CREB5: variants seen among roughly 807,000 people sequenced by gnomAD.
The protein encoded by CREB5 is cAMP responsive element binding protein 5, also known as cyclic AMP-responsive element-binding protein 5.
In CREB5, 19 loss-of-function variants were observed where a neutral mutation model predicts 57.1. The observed-to-expected ratio is 0.33, with a 90% CI of 0.23 to 0.49. CREB5 has a LOEUF of 0.49. Ranked by LOEUF, CREB5 falls within the 20% of genes least tolerant of loss-of-function variation. CREB5 has a pLI of 0.99. For missense variants in CREB5, 579 were observed against 671.6 expected (o/e 0.86, Z 1.52); for synonymous variants, 238 against 238.3 (o/e 1.00, Z 0.01).
At chr7:28,795,755 CTTT>C (rs367853221) in intron 7 of CREB5, among the ~76,000 whole-genome samples, 8 of 137,498 alleles carry the variant, frequency 5.8e-5, no homozygotes, top group Non-Finnish European at 6.3e-5. Context: ...GTTTTTCTTT[CTTT>C]TTTTTTTTTT....
chr7:28,389,752 C>T (rs1787178375), intron 1 of CREB5, among the ~76,000 whole-genome samples: 1 of 151,672 alleles, frequency 6.6e-6, no homozygotes, highest in African/African-American at 2.4e-5. Flanking sequence ...ATTAAGCTGT[C>T]TAATACTTTT....
At chr7:28,578,126 A>G (rs1281245588) in intron 5 of CREB5, among the ~76,000 whole-genome samples, 1 of 152,160 alleles carries the variant, frequency 6.6e-6, no homozygotes, top group Non-Finnish European at 1.5e-5. Flanking sequence ...AGCTCATATC[A>G]CTGGTTAGTG....
At chr7:28,413,092 A>ATGTGTGTGTGTG (rs10599936) in intron 1 of CREB5, among the ~76,000 whole-genome samples, 175 bp downstream of exon 1, 5,298 of 147,258 alleles carry the variant, frequency 0.036, 144 homozygotes, top group South Asian at 0.052. Context: ...ATGTGGAAGG[A>ATGTGTGTGTGTG]TGTGTGTGTG....
chr7:28,393,133 A>G (rs1228579480), intron 1 of CREB5, among the ~76,000 whole-genome samples: 3 of 152,108 alleles, frequency 2.0e-5, no homozygotes, highest in Non-Finnish European at 1.5e-5. Context: ...CTCCATGTTG[A>G]TCAGGCTGGT....
At chr7:28,662,926 C>CA (rs1799667221) in intron 5 of CREB5, among the ~76,000 whole-genome samples, 1 of 151,986 alleles carries the variant, frequency 6.6e-6, no homozygotes, top group South Asian at 2.1e-4. Flanking sequence ...GTGGGTGGAT[C>CA]ACGAGGTCAG....
At chr7:28,404,906 G>C (rs913862335) in intron 1 of CREB5, among the ~76,000 whole-genome samples, 1 of 152,156 alleles carries the variant, frequency 6.6e-6, no homozygotes, top group African/African-American at 2.4e-5. Context: ...CAGCAATGTG[G>C]GTTCTTTTCT....
intron 5 of CREB5, among the ~76,000 whole-genome samples, chr7:28,646,515 C>T (rs778099919): frequency 1.8e-4 from 28 of 152,294 alleles, no homozygotes; most frequent in Non-Finnish European, 3.7e-4. Context: ...TCTGCACTGA[C>T]TATGTTAACA....
At chr7:28,470,211 C>T (rs1162243119) in intron 1 of CREB5, among the ~76,000 whole-genome samples, 6 of 152,248 alleles carry the variant, frequency 3.9e-5, no homozygotes, top group South Asian at 2.1e-4. Context: ...CCCCATCTCC[C>T]CCTGACTTCT....
intron 4 of CREB5, among the ~76,000 whole-genome samples, chr7:28,569,227 T>C (rs1216957576): frequency 6.6e-6 from 1 of 151,828 alleles, no homozygotes; most frequent in Non-Finnish European, 1.5e-5. Context: ...TGTAGAGGTG[T>C]AATCCTGGCT....
At chr7:28,459,904 C>T (rs993676892) in intron 1 of CREB5, among the ~76,000 whole-genome samples, 15 of 152,278 alleles carry the variant, frequency 9.9e-5, no homozygotes, top group African/African-American at 3.6e-4. Context: ...TCATTATCCC[C>T]ATTTTATAGA....
At chr7:28,784,238 G>A (rs530299482) in intron 7 of CREB5, among the ~76,000 whole-genome samples, 10 of 152,350 alleles carry the variant, frequency 6.6e-5, no homozygotes, top group African/African-American at 2.4e-4. Context: ...TGCCTGCAGG[G>A]CCTGCGAGAG....
chr7:28,613,022 A>C (rs1263082517), intron 5 of CREB5, among the ~76,000 whole-genome samples: 5 of 152,182 alleles, frequency 3.3e-5, no homozygotes, highest in Non-Finnish European at 7.3e-5. Flanking sequence ...GGAGTTACCC[A>C]GGGGACTAGT....
At chr7:28,773,531 TCATATG>T in intron 7 of CREB5, among the ~76,000 whole-genome samples, 1 of 147,910 alleles carries the variant, frequency 6.8e-6, no homozygotes, top group Non-Finnish European at 1.5e-5. Flanking sequence ...TGTGAGTCAG[TCATATG>T]ATGTCTGTAA....
At chr7:28,575,055 C>T (rs1204140049) in intron 5 of CREB5, among the ~76,000 whole-genome samples, 3 of 152,168 alleles carry the variant, frequency 2.0e-5, no homozygotes, top group Admixed American at 1.3e-4. Flanking sequence ...CCTCCTCTTA[C>T]CTTTTCTGTG....
At chr7:28,413,906 C>T (rs1281939693) in intron 1 of CREB5, among the ~76,000 whole-genome samples, 1 of 152,162 alleles carries the variant, frequency 6.6e-6, no homozygotes, top group African/African-American at 2.4e-5. Flanking sequence ...TCCATGATGG[C>T]AAGTTCCTAG....
At chr7:28,733,497 A>G (rs1803786803) in intron 7 of CREB5, among the ~76,000 whole-genome samples, 1 of 152,124 alleles carries the variant, frequency 6.6e-6, no homozygotes, top group African/African-American at 2.4e-5. Context: ...AGACTTGCAT[A>G]CAATCCCTGT....
chr7:28,620,220 A>C (rs1797742431), intron 5 of CREB5, among the ~76,000 whole-genome samples: 1 of 152,148 alleles, frequency 6.6e-6, no homozygotes, highest in Non-Finnish European at 1.5e-5. Context: ...AATTTATTTC[A>C]CTTTGTTCTT....
At chr7:28,591,708 T>C (rs1193534012) in intron 5 of CREB5, among the ~76,000 whole-genome samples, 3 of 152,180 alleles carry the variant, frequency 2.0e-5, no homozygotes, top group Non-Finnish European at 2.9e-5. Context: ...AGCTTTCTTT[T>C]GTATTATGTC....
chr7:28,764,113 A>G (rs1805818966), intron 7 of CREB5, among the ~76,000 whole-genome samples: 1 of 152,078 alleles, frequency 6.6e-6, no homozygotes, highest in African/African-American at 2.4e-5. Context: ...TAAGGATATT[A>G]TATATTGTCA....
Sources: gnomAD v4.1 joint callset for allele counts (sites outside exome capture counted in the v4.1 genomes callset) on GRCh38, gnomAD v4.1.1 for gene constraint, MANE v1.5 for transcripts, NCBI Gene and HGNC (gene_info 2026-07-23, HGNC 2026-07-21) for gene names.